Variants in IL18R1 observed in about 807,000 individuals in gnomAD.
IL18R1 encodes the protein interleukin 18 receptor 1, also known as interleukin-18 receptor 1.
A neutral mutation model predicts 48.5 loss-of-function variants in IL18R1; 40 were observed. The ratio of observed to expected loss-of-function variants is 0.82; its 90% CI spans 0.64 to 1.07. The LOEUF is 1.07. Among genes scored for constraint, IL18R1 ranks in the 50% least tolerant of loss-of-function variants. IL18R1 has a pLI of 0.00. For missense variants in IL18R1, 596 were observed against 633.7 expected (o/e 0.94, Z 0.64); for synonymous variants, 232 against 225.9 (o/e 1.03, Z -0.24).
chr2:102,365,908 G>A (rs1393033631), intron 2 of IL18R1, among the ~76,000 whole-genome samples: 2 of 152,144 alleles, frequency 1.3e-5, no homozygotes, highest in Non-Finnish European at 2.9e-5. Flanking sequence ...AGGATGCAGG[G>A]CACCAAATCC....
chr2:102,395,900 G>A (rs796171051), intron 10 of IL18R1, among the ~76,000 whole-genome samples: 8 of 152,270 alleles, frequency 5.3e-5, no homozygotes, highest in African/African-American at 1.9e-4. Flanking sequence ...GCCTGCGTCT[G>A]CATCTGAGCT....
chr2:102,362,743 A>T (rs760592649), intron 2 of IL18R1, 25 bp downstream of exon 2: 6 of 1,418,706 alleles, frequency 4.2e-6, no homozygotes, highest in Admixed American at 2.0e-5. Context: ...ATACTCTCAA[A>T]CATATTTCAT....
In IL18R1 at chr2:102,375,923, T is replaced by G; in HGVS notation, c.485T>G (p.Leu162Arg). Reference protein sequence around the residue: ...TSLYKNCKKLLLENNKNPTIK... With the variant: ...TSLYKNCKKLRLENNKNPTIK... ...TAAAAACAGAACTGTAAAAAGCTAC[T>G]ACTGGAGAACAATAAAAACCCAACG... is the stretch of plus-strand genomic sequence containing the variant. Residue 162 changes from leucine (L) to arginine (R), a missense_variant, in exon 5 of 11, where the codon CTA (leucine) becomes CGA (arginine). Coordinates refer to ENST00000233957, the MANE Select transcript of IL18R1 (RefSeq NM_003855.5). The G allele has an allele frequency of 6.3e-7, 1 of 1,588,182 alleles. No homozygotes were observed. Among genetic ancestry groups the G allele is most frequent in the South Asian group, 1.2e-5 (1 of 85,098 alleles).
At chr2:102,381,999 A>G (rs1003731534) in intron 6 of IL18R1, among the ~76,000 whole-genome samples, 1 of 152,132 alleles carries the variant, frequency 6.6e-6, no homozygotes, top group African/African-American at 2.4e-5. Flanking sequence ...TAGGCCGGGC[A>G]TGGTGGCTCA....
At chr2:102,396,312 G>C (rs1264152916) in intron 10 of IL18R1, among the ~76,000 whole-genome samples, 1 of 151,954 alleles carries the variant, frequency 6.6e-6, no homozygotes, top group East Asian at 1.9e-4. Context: ...TTTAAAATAA[G>C]GTATGGTACA....
In IL18R1 at chr2:102,384,981, G is replaced by T. The variant is rs752802414; in HGVS notation, c.792G>T (p.Glu264Asp). 7.0e-6 allele frequency: 11 copies of T among 1,581,676 alleles called. No homozygotes were observed. The highest frequency in any genetic ancestry group is 1.7e-6 in the Non-Finnish European group (2 of 1,152,218). ...GATCGGATCCTAATATACATGAAGA[G>T]AAAGAAATGAGAATTATGTATGTAT... The part of the protein sequence containing the change: ...ENGSDPNIHE[E>D]KEMRIMTPEG... Residue 264 changes from glutamate (E) to aspartate (D), a missense_variant, in exon 7 of 11, where the codon GAG becomes GAT. This residue lies in a region of IL18R1 where 360 missense variants were observed against 339.4 expected (regional missense o/e 1.06). Coordinates refer to ENST00000233957, the MANE Select transcript of IL18R1 (RefSeq NM_003855.5).
chr2:102,373,411 G>A (rs1416753942), intron 4 of IL18R1, among the ~76,000 whole-genome samples: 1 of 151,696 alleles, frequency 6.6e-6, no homozygotes, highest in Non-Finnish European at 1.5e-5. Context: ...GGTGAACAAT[G>A]AGAACACATG....
In IL18R1 at chr2:102,358,709, C is replaced by T. The variant is rs144091983; in HGVS notation, c.-29+2309C>T. On this transcript the variant is annotated intron_variant, in intron 1 of 10. Transcript: ENST00000233957. ...GTCCTCCAGACCACTGGGTGGAGCC[C>T]GGGCATCATTATTTTTTTCCAAACT... 7.5e-3 allele frequency among the ~76,000 whole-genome samples: 1,145 copies of T among 152,194 alleles called. 15 individuals are homozygous for T. Among genetic ancestry groups the T allele is most frequent in the African/African-American group, 0.026 (1,084 of 41,508 alleles).
chr2:102,370,188 G>A (rs528144647), intron 3 of IL18R1, among the ~76,000 whole-genome samples: 33 of 152,368 alleles, frequency 2.2e-4, no homozygotes, highest in African/African-American at 7.5e-4. Context: ...GGCAGGTGCA[G>A]TGTGTTGTTG....
intron 1 of IL18R1, among the ~76,000 whole-genome samples, chr2:102,359,868 G>A (rs554842843): frequency 2.6e-5 from 4 of 152,088 alleles, no homozygotes; most frequent in South Asian, 2.1e-4. Context: ...ACATTTAAGC[G>A]GTATTACCAT....
chr2:102,388,944 A>G (rs1680403397), intron 8 of IL18R1, among the ~76,000 whole-genome samples: 1 of 152,126 alleles, frequency 6.6e-6, no homozygotes, highest in African/African-American at 2.4e-5. Flanking sequence ...CACCATTACA[A>G]TCTATTTTAA....
At chr2:102,363,576 A>T (rs535687544) in intron 2 of IL18R1, among the ~76,000 whole-genome samples, 90 of 152,320 alleles carry the variant, frequency 5.9e-4, no homozygotes, top group African/African-American at 1.9e-3. Context: ...AGCAAGGTAC[A>T]GGAAAATGTG....
intron 1 of IL18R1, 38 bp downstream of exon 1, chr2:102,356,438 C>A: frequency 1.9e-6 from 1 of 530,446 alleles, no homozygotes; most frequent in Non-Finnish European, 2.4e-6. Context: ...ATCCCCTCCC[C>A]ACCCCCCAGA....
At chr2:102,365,160 T>G (rs1326163366) in intron 2 of IL18R1, among the ~76,000 whole-genome samples, 1 of 152,060 alleles carries the variant, frequency 6.6e-6, no homozygotes, top group Admixed American at 6.6e-5. Context: ...AAAATCCAAG[T>G]CCAAAGTCTC....
intron 2 of IL18R1, among the ~76,000 whole-genome samples, chr2:102,365,783 T>C (rs567445417): frequency 6.6e-6 from 1 of 152,342 alleles, no homozygotes; most frequent in East Asian, 1.9e-4. Context: ...TTCTTGACTT[T>C]TGTGCACCTG....
intron 4 of IL18R1, among the ~76,000 whole-genome samples, chr2:102,375,450 G>A (rs115978685): frequency 1.2e-3 from 179 of 152,236 alleles, no homozygotes; most frequent in African/African-American, 4.0e-3. Context: ...CTCATTCTCT[G>A]AGTAATTCTC....
intron 6 of IL18R1, among the ~76,000 whole-genome samples, chr2:102,382,684 G>A (rs1215407427): frequency 6.6e-6 from 1 of 152,146 alleles, no homozygotes; most frequent in Non-Finnish European, 1.5e-5. Flanking sequence ...GTCTCTGTTT[G>A]GGGACTTTGC....
chr2:102,380,159 C>T (rs1443997864), intron 5 of IL18R1, among the ~76,000 whole-genome samples: 1 of 151,254 alleles, frequency 6.6e-6, no homozygotes, highest in African/African-American at 2.4e-5. Flanking sequence ...CCTAGGTAGG[C>T]TGGCCATGTC....
chr2:102,368,645 T>C (rs1573192841), intron 3 of IL18R1, among the ~76,000 whole-genome samples: 2 of 152,140 alleles, frequency 1.3e-5, no homozygotes, highest in African/African-American at 4.8e-5. Context: ...ACTCATGAGG[T>C]GGCCCTAGAT....
Sources: allele counts gnomAD v4.1 joint callset (sites outside exome capture counted in the v4.1 genomes callset), GRCh38; gene constraint gnomAD v4.1.1; regional missense constraint gnomAD v4.1.1; transcripts MANE v1.5; gene names NCBI Gene and HGNC (gene_info 2026-07-23, HGNC 2026-07-21).